Variants in OPCML observed in about 807,000 individuals in gnomAD.
OPCML encodes opioid binding protein/cell adhesion molecule like, also known as opioid-binding protein/cell adhesion molecule.
Under a neutral mutation model 37.8 loss-of-function variants are expected in OPCML, and 13 were observed. That is an observed-to-expected ratio of 0.34 (90% CI 0.22 to 0.55). The LOEUF (loss-of-function observed/expected upper bound fraction) is 0.55. Among genes scored for constraint, OPCML ranks in the 20% least tolerant of loss-of-function variants. The probability of loss-of-function intolerance (pLI) is 0.91; values close to 1 mark genes in which losing one functional copy is unlikely to be tolerated. For synonymous variants in OPCML, 176 were observed against 168.8 expected (o/e 1.04, Z -0.33); for missense variants, 341 against 435.6 (o/e 0.78, Z 1.93).
intron 2 of OPCML, among the ~76,000 whole-genome samples, chr11:132,711,746 A>G (rs1004346448): frequency 1.3e-5 from 2 of 152,208 alleles, no homozygotes; most frequent in African/African-American, 2.4e-5. Flanking sequence ...TACAGTGTAC[A>G]CACACATATA....
intron 2 of OPCML, among the ~76,000 whole-genome samples, chr11:132,933,287 G>A (rs1477142846): frequency 3.9e-5 from 6 of 152,136 alleles, no homozygotes; most frequent in African/African-American, 1.4e-4. Flanking sequence ...TATTCTTCCA[G>A]AATGTGCCAG....
intron 1 of OPCML, among the ~76,000 whole-genome samples, chr11:133,340,738 T>C (rs545947748): frequency 7.3e-5 from 11 of 150,610 alleles, no homozygotes; most frequent in Non-Finnish European, 1.6e-4. Context: ...AGAATGTGTA[T>C]GTGTGTGTGT....
chr11:132,857,261 G>GTGATTAATGT, intron 2 of OPCML, among the ~76,000 whole-genome samples: 1 of 152,044 alleles, frequency 6.6e-6, no homozygotes, highest in African/African-American at 2.4e-5. Flanking sequence ...TGTGATTAAT[G>GTGATTAATGT]GCCATTTGTA....
intron 1 of OPCML, among the ~76,000 whole-genome samples, chr11:132,961,431 A>G (rs1946091447): frequency 6.6e-6 from 1 of 152,216 alleles, no homozygotes; most frequent in African/African-American, 2.4e-5. Context: ...CATATTTGAT[A>G]GATAGCTTCA....
intron 6 of OPCML, 139 bp downstream of exon 6, chr11:132,436,520 A>T: frequency 6.9e-7 from 1 of 1,444,442 alleles, no homozygotes; most frequent in South Asian, 1.5e-5. Context: ...TTGTAAAAAT[A>T]GACTTTGTTA....
rs5795789 is a variant in OPCML at position 132,554,863 on chromosome 11, G to GTTTTTTTTTTTT, written c.380-25689_380-25678dup. Among the ~76,000 whole-genome samples, 79 of 64,032 alleles carry GTTTTTTTTTTTT rather than the reference G, an allele frequency of 1.2e-3. 1 individual carries two copies. The highest frequency in any genetic ancestry group is 9.5e-3 in the East Asian group (13 of 1,368). 42.0% of individuals were successfully genotyped at this position (64,032 alleles called of 152,430 possible). ...ATAAAAGCCATGGGAATGGGGTAAA[G>GTTTTTTTTTTTT]TTTTTTTTTTTTTTTTTTTTTTTTT... is the stretch of plus-strand genomic sequence containing the variant. On this transcript the variant is annotated intron_variant, in intron 3 of 7. Coordinates refer to ENST00000524381, the MANE Select transcript of OPCML (RefSeq NM_001012393.5).
Position 133,256,222 on chromosome 11 carries a change from G to A in OPCML, c.61+276042C>T, listed in dbSNP as rs534731627. On this transcript the variant is annotated intron_variant, in intron 1 of 7. Coordinates refer to ENST00000524381, the MANE Select transcript of OPCML (RefSeq NM_001012393.5). ...ATGAAGTATAGTGAAGAAGGGCAAG[G>A]ATTGATGAACCCAACTGTTTGGAGT... Among the ~76,000 whole-genome samples the A allele has an allele frequency of 2.3e-4, 35 of 152,310 alleles. No individual in the cohort carries two copies. In the East Asian group the frequency reaches 6.0e-3, roughly 26 times the overall value.
chr11:133,338,549 G>A (rs916693360), intron 1 of OPCML, among the ~76,000 whole-genome samples: 3 of 152,186 alleles, frequency 2.0e-5, no homozygotes, highest in African/African-American at 7.2e-5. Context: ...CTTCCGGCCA[G>A]CCAATGTGCT....
At chr11:133,453,963 A>C (rs1163298588) in intron 1 of OPCML, among the ~76,000 whole-genome samples, 4 of 152,204 alleles carry the variant, frequency 2.6e-5, no homozygotes, top group Non-Finnish European at 5.9e-5. Context: ...TCTGGTGGAA[A>C]AAATAGAATT....
intron 1 of OPCML, among the ~76,000 whole-genome samples, chr11:133,209,708 T>C (rs1939271442): frequency 6.6e-6 from 1 of 152,092 alleles, no homozygotes; most frequent in African/African-American, 2.4e-5. Context: ...GTTGAACAAA[T>C]GAATACATGG....
At chr11:132,489,675 A>G (rs997607585) in intron 4 of OPCML, among the ~76,000 whole-genome samples, 1 of 151,916 alleles carries the variant, frequency 6.6e-6, no homozygotes, top group African/African-American at 2.4e-5. Flanking sequence ...TATTATTATT[A>G]TTATTATTTT....
At chr11:132,956,634 C>T (rs1945982397) in intron 1 of OPCML, among the ~76,000 whole-genome samples, 1 of 152,162 alleles carries the variant, frequency 6.6e-6, no homozygotes. Flanking sequence ...ATCCTCACCA[C>T]CACCACACTT....
chr11:132,557,400 T>C (rs2096398211), intron 3 of OPCML, among the ~76,000 whole-genome samples: 1 of 152,232 alleles, frequency 6.6e-6, no homozygotes, highest in South Asian at 2.1e-4. Flanking sequence ...TCTTTCTTCC[T>C]TGATTAACCC....
At chr11:133,084,013 G>A (rs1316783997) in intron 1 of OPCML, among the ~76,000 whole-genome samples, 1 of 151,946 alleles carries the variant, frequency 6.6e-6, no homozygotes, top group South Asian at 2.1e-4. Context: ...GCATGCTCCC[G>A]CCTCGTCTCC....
chr11:132,529,243 A>T, intron 3 of OPCML, 57 bp from the exon 4 acceptor site: 1 of 1,542,050 alleles, frequency 6.5e-7, no homozygotes, highest in East Asian at 2.3e-5. Flanking sequence ...ACTTAAAAGG[A>T]GGTGTTAGCC....
intron 1 of OPCML, among the ~76,000 whole-genome samples, chr11:133,250,523 G>A (rs1465178811): frequency 8.3e-6 from 1 of 120,306 alleles, no homozygotes; most frequent in Admixed American, 8.9e-5. Flanking sequence ...AGGGAGGGAA[G>A]GGAGGGAGGG....
chr11:132,549,710 G>C (rs2096377151), intron 3 of OPCML, among the ~76,000 whole-genome samples: 1 of 152,206 alleles, frequency 6.6e-6, no homozygotes, highest in Non-Finnish European at 1.5e-5. Context: ...CAAGTGTACT[G>C]TAAGAAGCAG....
chr11:132,421,795 C>T (rs2095960129), intron 7 of OPCML, among the ~76,000 whole-genome samples: 1 of 152,144 alleles, frequency 6.6e-6, no homozygotes, highest in South Asian at 2.1e-4. Context: ...AGTAGCCTGA[C>T]TGTGGGGCCT....
At chr11:133,483,795 T>TGATAGATAGATAGATA (rs61121084) in intron 1 of OPCML, among the ~76,000 whole-genome samples, 6,686 of 132,342 alleles carry the variant, frequency 0.051, 176 homozygotes, top group East Asian at 0.073. Context: ...GATACATAGA[T>TGATAGATAGATAGATA]GATAGATAGA....
Sources: allele counts gnomAD v4.1 joint callset (sites outside exome capture counted in the v4.1 genomes callset), GRCh38; gene constraint gnomAD v4.1.1; transcripts MANE v1.5; gene names NCBI Gene and HGNC (gene_info 2026-07-23, HGNC 2026-07-21).